The following STK40 variants were observed in gnomAD, a reference collection of about 807,000 sequenced individuals.
STK40 encodes the protein serine/threonine-protein kinase 40.
Under a neutral mutation model 47.9 loss-of-function variants are expected in STK40, and 13 were observed. That is an observed-to-expected ratio of 0.27 (90% CI 0.18 to 0.43). The LOEUF (loss-of-function observed/expected upper bound fraction) is 0.43, where lower values mean the gene tolerates loss of function less well. Among genes scored for constraint, STK40 ranks in the 20% least tolerant of loss-of-function variants. The pLI is 1.00. For missense variants in STK40, 460 were observed against 595.1 expected, an observed-to-expected ratio of 0.77 and a Z score of 2.36; for synonymous variants, 225 against 243.2, an observed-to-expected ratio of 0.93 and a Z score of 0.69.
chr1:36,367,608 G>A (rs1646913429), intron 1 of STK40, among the ~76,000 whole-genome samples: 1 of 152,130 alleles, frequency 6.6e-6, no homozygotes, highest in Non-Finnish European at 1.5e-5. Context: ...AAGCTGGCAG[G>A]GATAGCTCTA....
intron 6 of STK40, among the ~76,000 whole-genome samples, chr1:36,350,082 C>T (rs1646737483): frequency 6.6e-6 from 1 of 152,186 alleles, no homozygotes. Context: ...GCAAAGGGCT[C>T]GATGCAAAAC....
At chr1:36,369,094 T>G (rs1646924224) in intron 1 of STK40, among the ~76,000 whole-genome samples, 1 of 152,212 alleles carries the variant, frequency 6.6e-6, no homozygotes, top group African/African-American at 2.4e-5. Context: ...AGAGCCAGCC[T>G]GGCATGAACA....
intron 6 of STK40, among the ~76,000 whole-genome samples, 164 bp downstream of exon 6, chr1:36,354,200 C>T (rs1646782439): frequency 1.3e-5 from 2 of 151,682 alleles, no homozygotes; most frequent in African/African-American, 4.9e-5. Context: ...CAGCAAGCCC[C>T]CAATTCCCAT....
At chr1:36,344,920 C>G (rs1180528966) in intron 7 of STK40, among the ~76,000 whole-genome samples, 1 of 152,242 alleles carries the variant, frequency 6.6e-6, no homozygotes, top group Non-Finnish European at 1.5e-5. Context: ...TGGGAAGAAA[C>G]ACTTTTATTT....
At chr1:36,366,544 T>C (rs1030068234) in intron 1 of STK40, among the ~76,000 whole-genome samples, 1 of 152,128 alleles carries the variant, frequency 6.6e-6, no homozygotes, top group Non-Finnish European at 1.5e-5. Context: ...CCCCTTTCCC[T>C]GCCCCATCCT....
At chr1:36,354,239 C>G (rs1273391941) in intron 6 of STK40, 125 bp downstream of exon 6, 2 of 1,022,800 alleles carry the variant, frequency 2.0e-6, no homozygotes, top group African/African-American at 3.2e-5. Context: ...CCTGGGATTC[C>G]TGGAGGAAGT....
rs770001064 is a variant in STK40 at position 36,348,810 on chromosome 1, T to C, written c.629A>G (p.His210Arg). Reference sequence around the variant, plus strand: ...GCAGAAGTTGGTGATGGTTATCCGATGTGTCCTAGGAGTGGGAGACAGAGT... The same window carrying C: ...GCAGAAGTTGGTGATGGTTATCCGACGTGTCCTAGGAGTGGGAGACAGAGT... The part of the protein sequence containing the change: ...LGNMVLNKRT[H>R]RITITNFCLG... Residue 210 changes from histidine to arginine, a missense_variant, in exon 7 of 11, where the codon CAT (histidine) becomes CGT (arginine). His to Arg is a conservative substitution (Grantham distance 29, BLOSUM62 0). Transcript: ENST00000373132. The C allele has an allele frequency of 4.4e-6, 7 of 1,602,926 alleles. No homozygotes were observed. The highest frequency in any genetic ancestry group is 3.4e-5 in the South Asian group (3 of 89,140).
In STK40 at chr1:36,352,370, A is replaced by C. The variant is rs115877058; in HGVS notation, c.623+1994T>G. ...CACCCACTGATTTGCATCTCAGGCC[A>C]ATCTTCCCAGGAAGCCAGGATGACC... is the stretch of plus-strand genomic sequence containing the variant. On this transcript the variant is annotated intron_variant, in intron 6 of 10. Coordinates refer to ENST00000373132, the MANE Select transcript of STK40 (RefSeq NM_001282547.2). 5.8e-3 allele frequency among the ~76,000 whole-genome samples: 884 copies of C among 152,302 alleles called. 6 individuals carry two copies. Among genetic ancestry groups the C allele is most frequent in the African/African-American group, 0.02 (834 of 41,572 alleles).
chr1:36,355,161 T>A (rs747424931), intron 5 of STK40, 45 bp downstream of exon 5: 1 of 1,587,024 alleles, frequency 6.3e-7, no homozygotes, highest in South Asian at 1.1e-5. Context: ...GCAAGAAAGG[T>A]GGCTTTCTGT....
At chr1:36,345,987 A>ATTT (rs1397972473) in intron 7 of STK40, among the ~76,000 whole-genome samples, 4 of 17,268 alleles carry the variant, frequency 2.3e-4, no homozygotes, top group South Asian at 3.0e-3. Flanking sequence ...ATATATATAT[A>ATTT]TATATTTTTT....
intron 1 of STK40, among the ~76,000 whole-genome samples, chr1:36,381,148 G>A (rs993225544): frequency 6.6e-6 from 1 of 152,068 alleles, no homozygotes; most frequent in Non-Finnish European, 1.5e-5. Context: ...CTCAGCCCTT[G>A]CTGGGATTAC....
intron 2 of STK40, among the ~76,000 whole-genome samples, chr1:36,360,561 A>T (rs996234726): frequency 6.6e-6 from 1 of 150,446 alleles, no homozygotes; most frequent in African/African-American, 2.5e-5. Context: ...TTAGAGAGAG[A>T]GTCTCGCACC....
intron 1 of STK40, among the ~76,000 whole-genome samples, chr1:36,384,852 C>A (rs765689756): frequency 6.6e-6 from 1 of 152,198 alleles, no homozygotes; most frequent in East Asian, 1.9e-4. Flanking sequence ...CCTTATCTCA[C>A]GCAAAACTAC....
chr1:36,363,087 G>T (rs745953302), intron 1 of STK40, among the ~76,000 whole-genome samples: 1 of 152,098 alleles, frequency 6.6e-6, no homozygotes, highest in Non-Finnish European at 1.5e-5. Flanking sequence ...CCCAGGACAC[G>T]GAGTCTACAG....
intron 4 of STK40, among the ~76,000 whole-genome samples, chr1:36,356,352 C>T (rs1489737455): frequency 1.3e-5 from 2 of 150,200 alleles, no homozygotes; most frequent in Non-Finnish European, 1.5e-5. Flanking sequence ...TGGTGTCATG[C>T]GGGGTAGACT....
At chr1:36,379,816 T>A (rs1206757647) in intron 1 of STK40, among the ~76,000 whole-genome samples, 1 of 152,194 alleles carries the variant, frequency 6.6e-6, no homozygotes, top group African/African-American at 2.4e-5. Context: ...CTAGAAATTC[T>A]TTAACAATAA....
At chr1:36,353,718 A>G (rs35589318) in intron 6 of STK40, among the ~76,000 whole-genome samples, 43 of 152,296 alleles carry the variant, frequency 2.8e-4, no homozygotes, top group African/African-American at 9.4e-4. Flanking sequence ...GGCCATCTGC[A>G]GGCCATCCCA....
chr1:36,360,422 T>C (rs1376574193), intron 2 of STK40, among the ~76,000 whole-genome samples: 1 of 152,176 alleles, frequency 6.6e-6, no homozygotes, highest in Non-Finnish European at 1.5e-5. Flanking sequence ...TTTAAATAAA[T>C]TTGGGGGGCT....
chr1:36,384,250 G>A (rs928172668), intron 1 of STK40, among the ~76,000 whole-genome samples: 1 of 152,096 alleles, frequency 6.6e-6, no homozygotes. Flanking sequence ...GGCTGGTCTC[G>A]AACTCCTGAC....
Sources: allele counts gnomAD v4.1 joint callset (sites outside exome capture counted in the v4.1 genomes callset), GRCh38; gene constraint gnomAD v4.1.1; transcripts MANE v1.5; gene names NCBI Gene and HGNC (gene_info 2026-07-23, HGNC 2026-07-21).